The following SAMMSON variants were observed in gnomAD, a reference collection of about 807,000 sequenced individuals.
SAMMSON encodes the protein survival associated mitochondrial melanoma specific oncogenic non-coding RNA.
chr3:70,407,591 C>G (rs1330540884), intron 2 of SAMMSON, among the ~76,000 whole-genome samples: 1 of 152,232 alleles, frequency 6.6e-6, no homozygotes, highest in Non-Finnish European at 1.5e-5. Flanking sequence ...TGTCTCACAT[C>G]CAGGTTATGC....
At chr3:70,341,367 G>GT (rs1475862811) in intron 7 of SAMMSON, among the ~76,000 whole-genome samples, 2 of 151,980 alleles carry the variant, frequency 1.3e-5, no homozygotes, top group South Asian at 2.1e-4. Context: ...CAAGAATATT[G>GT]TTTTTTTCCA....
chr3:70,287,526 G>T (rs1227358630), intron 6 of SAMMSON, among the ~76,000 whole-genome samples: 1 of 151,540 alleles, frequency 6.6e-6, no homozygotes, highest in African/African-American at 2.4e-5. Context: ...TCTCTTTTTT[G>T]GTTGTGTCTC....
chr3:70,196,635 T>G (rs191023582), intron 4 of SAMMSON, among the ~76,000 whole-genome samples: 1 of 152,288 alleles, frequency 6.6e-6, no homozygotes, highest in East Asian at 1.9e-4. Flanking sequence ...AACATGCTAT[T>G]TTATAGTCAA....
chr3:70,402,385 A>G, intron 2 of SAMMSON, among the ~76,000 whole-genome samples: 1 of 152,192 alleles, frequency 6.6e-6, no homozygotes, highest in East Asian at 1.9e-4. Context: ...GCACAGTTTT[A>G]GGGGCCTTAT....
At chr3:70,216,906 C>T (rs1200835156) in intron 4 of SAMMSON, among the ~76,000 whole-genome samples, 5 of 152,138 alleles carry the variant, frequency 3.3e-5, no homozygotes, top group African/African-American at 7.2e-5. Context: ...ACCTATTATG[C>T]ACAGGGACCC....
At chr3:70,366,036 T>TGCGGACTG (rs1203856271) in intron 9 of SAMMSON, among the ~76,000 whole-genome samples, 1 of 70,516 alleles carries the variant, frequency 1.4e-5, no homozygotes, top group Non-Finnish European at 2.9e-5. Flanking sequence ...CAGGTCGGAC[T>TGCGGACTG]GCGGACTGCA....
intron 6 of SAMMSON, among the ~76,000 whole-genome samples, chr3:70,280,813 A>G (rs1211060320): frequency 6.6e-6 from 1 of 152,150 alleles, no homozygotes; most frequent in Non-Finnish European, 1.5e-5. Context: ...TAGGTCATGA[A>G]ACACCCATCC....
chr3:70,388,867 T>A (rs918961001), intron 9 of SAMMSON, among the ~76,000 whole-genome samples: 3 of 152,128 alleles, frequency 2.0e-5, no homozygotes, highest in African/African-American at 7.2e-5. Flanking sequence ...ATGTTGAAAT[T>A]TGATCCCTAA....
chr3:70,203,925 T>C (rs1438429781), intron 4 of SAMMSON, among the ~76,000 whole-genome samples: 1 of 152,074 alleles, frequency 6.6e-6, no homozygotes, highest in Non-Finnish European at 1.5e-5. Flanking sequence ...CTGGACACTT[T>C]CCATTTTATT....
intron 7 of SAMMSON, among the ~76,000 whole-genome samples, chr3:70,351,709 A>C (rs574066024): frequency 1.9e-4 from 28 of 150,534 alleles, no homozygotes; most frequent in African/African-American, 6.8e-4. Context: ...CAAACAAACA[A>C]CAACAAAATC....
At chr3:70,111,028 A>T (rs2067385933) in intron 4 of SAMMSON, among the ~76,000 whole-genome samples, 1 of 152,172 alleles carries the variant, frequency 6.6e-6, no homozygotes, top group African/African-American at 2.4e-5. Context: ...TTATTAGCCA[A>T]ATGATGGGAA....
chr3:70,091,734 G>C (rs766888381), intron 4 of SAMMSON, among the ~76,000 whole-genome samples: 9 of 152,144 alleles, frequency 5.9e-5, no homozygotes, highest in Non-Finnish European at 1.3e-4. Context: ...AGAAACTAGA[G>C]ACTCATAGGA....
chr3:70,270,782 G>C (rs1701968438), intron 6 of SAMMSON, among the ~76,000 whole-genome samples: 1 of 152,094 alleles, frequency 6.6e-6, no homozygotes, highest in Non-Finnish European at 1.5e-5. Context: ...AACTAACACA[G>C]GAACCAAAAA....
chr3:70,170,403 C>A (rs1041755253), intron 4 of SAMMSON, among the ~76,000 whole-genome samples: 1 of 151,280 alleles, frequency 6.6e-6, no homozygotes, highest in Non-Finnish European at 1.5e-5. Flanking sequence ...TGGAATCTGG[C>A]GGAATAATTT....
intron 3 of SAMMSON, among the ~76,000 whole-genome samples, chr3:70,038,285 A>G (rs1409923421): frequency 6.6e-6 from 1 of 152,134 alleles, no homozygotes; most frequent in Non-Finnish European, 1.5e-5. Context: ...CTCAGGAAAG[A>G]TTATTTCCCA....
intron 4 of SAMMSON, among the ~76,000 whole-genome samples, chr3:70,191,529 A>C (rs927631962): frequency 6.6e-6 from 1 of 152,256 alleles, no homozygotes; most frequent in African/African-American, 2.4e-5. Flanking sequence ...AGCTACTGAC[A>C]TAAGGATTAA....
intron 7 of SAMMSON, among the ~76,000 whole-genome samples, chr3:70,348,338 T>C (rs1444689113): frequency 2.0e-5 from 3 of 152,178 alleles, no homozygotes; most frequent in African/African-American, 4.8e-5. Context: ...TATAGCAAAC[T>C]ACACAGACTT....
At position 70,192,143 on chromosome 3, in the gene SAMMSON, G is replaced by A. The variant is rs150764379; in HGVS notation, n.508-56964G>A. ...CATGACCAAGAAATGTCTCCATCTC[G>A]CCCTCCCACTTACCCCCTTTCCCCC... is the stretch of plus-strand genomic sequence containing the variant. On this transcript the variant is annotated intron_variant and non_coding_transcript_variant, in intron 4 of 9. Coordinates refer to ENST00000642114, the Ensembl canonical transcript of SAMMSON. 3.1e-3 allele frequency among the ~76,000 whole-genome samples: 471 copies of A among 152,076 alleles called. 4 individuals carry two copies. Among genetic ancestry groups the A allele is most frequent in the Non-Finnish European group, 4.9e-3 (333 of 67,986 alleles).
intron 4 of SAMMSON, chr3:70,096,064 C>T (rs895225112): frequency 6.6e-6 from 1 of 152,206 alleles, no homozygotes; most frequent in East Asian, 1.9e-4. Flanking sequence ...GATAAGGTCT[C>T]ATTTGAAGGT....
Sources: allele counts gnomAD v4.1 joint callset (sites outside exome capture counted in the v4.1 genomes callset), GRCh38; gene constraint gnomAD v4.1.1; transcripts MANE v1.5; gene names NCBI Gene and HGNC (gene_info 2026-07-23, HGNC 2026-07-21).